The following TXLNG variants were observed in gnomAD, a reference collection of about 807,000 sequenced individuals.
TXLNG encodes the protein taxilin gamma.
In TXLNG, 5 loss-of-function variants were observed where a neutral mutation model predicts 38.8. The observed-to-expected ratio is 0.13, with a 90% CI of 0.07 to 0.27. The LOEUF (loss-of-function observed/expected upper bound fraction) is 0.27, where lower values mean the gene tolerates loss of function less well. Among genes scored for constraint, TXLNG ranks in the 10% least tolerant of loss-of-function variants. TXLNG has a pLI of 1.00. For missense variants in TXLNG, 393 were observed against 398.2 expected, an observed-to-expected ratio of 0.99 and a Z score of 0.11; for synonymous variants, 182 against 158.2, an observed-to-expected ratio of 1.15 and a Z score of -1.13.
intron 1 of TXLNG, among the ~76,000 whole-genome samples, chrX:16,796,662 G>A (rs762022300): frequency 3.2e-4 from 36 of 111,490 alleles, no homozygotes; most frequent in Admixed American, 8.7e-4. Flanking sequence ...TATTTGTTAG[G>A]TGTAGTTGAA....
At chrX:16,808,170 G>A (rs923559672) in intron 1 of TXLNG, among the ~76,000 whole-genome samples, 2 of 111,371 alleles carry the variant, frequency 1.8e-5, no homozygotes, top group Non-Finnish European at 3.8e-5. Context: ...CCGGAGGGGA[G>A]TGGCTAGGGT....
At chrX:16,806,259 A>G (rs1463321164) in intron 1 of TXLNG, among the ~76,000 whole-genome samples, 2 of 112,296 alleles carry the variant, frequency 1.8e-5, no homozygotes, top group Non-Finnish European at 3.8e-5. Flanking sequence ...ATGTTTTATA[A>G]AACCAAATAA....
intron 1 of TXLNG, among the ~76,000 whole-genome samples, chrX:16,807,894 AT>A (rs113291630): frequency 3.6e-5 from 4 of 110,230 alleles, no homozygotes; most frequent in African/African-American, 1.3e-4. Flanking sequence ...AAACCTAAAA[AT>A]TTTTTTTTCC....
At position 16,842,000 on chromosome X, in the gene TXLNG, G is replaced by C. The variant is rs894554219; in HGVS notation, c.*234G>C. The C allele has an allele frequency of 3.6e-5, 14 of 386,478 alleles. No individual in the cohort carries two copies. Among genetic ancestry groups the C allele is most frequent in the Non-Finnish European group, 6.2e-5 (14 of 225,030 alleles). 31.9% of individuals were successfully genotyped at this position (386,478 alleles called of 1,213,427 possible). On this transcript the variant is annotated 3_prime_UTR_variant, in exon 10 of 10. Coordinates refer to ENST00000380122, the MANE Select transcript of TXLNG (RefSeq NM_018360.3). ...AGCCTCGTTCTCCCTCCACTGGAAT[G>C]CATGTGTTCATTGCCTTGTCCTTTC...
At chrX:16,796,990 AAAATG>A (rs1347255688) in intron 1 of TXLNG, among the ~76,000 whole-genome samples, 2 of 111,965 alleles carry the variant, frequency 1.8e-5, no homozygotes, top group African/African-American at 3.3e-5. Context: ...ATTCACTTAA[AAAATG>A]AAATGAGGCT....
At chrX:16,809,903 C>CTTCT (rs1928455747) in intron 1 of TXLNG, among the ~76,000 whole-genome samples, 1 of 111,879 alleles carries the variant, frequency 8.9e-6, no homozygotes, top group African/African-American at 3.2e-5. Context: ...ATTAAATAGG[C>CTTCT]TTCTCTAAGA....
intron 7 of TXLNG, 80 bp downstream of exon 7, chrX:16,834,437 T>A: frequency 1.1e-6 from 1 of 913,038 alleles, no homozygotes; most frequent in Non-Finnish European, 1.5e-6. Flanking sequence ...CAATCTCCTC[T>A]AAGATGGTTT....
intron 8 of TXLNG, among the ~76,000 whole-genome samples, chrX:16,838,921 C>T (rs1929697914): frequency 8.9e-6 from 1 of 111,825 alleles, no homozygotes; most frequent in Non-Finnish European, 1.9e-5. Flanking sequence ...TTCCCATGGC[C>T]TTTGTCCCGG....
At chrX:16,833,550 A>G (rs1488118130) in intron 6 of TXLNG, among the ~76,000 whole-genome samples, 1 of 111,582 alleles carries the variant, frequency 9.0e-6, no homozygotes, top group African/African-American at 3.3e-5. Flanking sequence ...TCATCCTTCC[A>G]TATGAACTGA....
chrX:16,812,691 C>A (rs1391491760), intron 1 of TXLNG, among the ~76,000 whole-genome samples: 1 of 39,466 alleles, frequency 2.5e-5, no homozygotes, highest in Non-Finnish European at 3.9e-5. Context: ...TGCGGCCAGC[C>A]TTTTTTTTTT....
At chrX:16,798,916 G>A (rs1268398121) in intron 1 of TXLNG, among the ~76,000 whole-genome samples, 1 of 107,684 alleles carries the variant, frequency 9.3e-6, no homozygotes, top group Non-Finnish European at 1.9e-5. Flanking sequence ...AGTTTCGCTC[G>A]TTTCCCAGGC....
rs1179998207 is a variant in TXLNG, at chrX:16,843,424, A to AGAT, written c.*1659_*1661dup. On this transcript the variant is annotated 3_prime_UTR_variant, in exon 10 of 10. Coordinates refer to ENST00000380122, the MANE Select transcript of TXLNG (RefSeq NM_018360.3). The stretch of plus-strand genomic sequence containing the variant: ...GTGGAGGAAAATAAATCCACAAAGT[A>AGAT]GATTATCTAATTACCATCAAAATGA... 12 of 111,852 alleles carry AGAT rather than the reference A, an allele frequency of 1.1e-4. No individual in the cohort carries two copies. Among genetic ancestry groups the AGAT allele is most frequent in the African/African-American group, 3.9e-4 (12 of 30,677 alleles). 9.2% of individuals were successfully genotyped at this position (111,852 alleles called of 1,213,427 possible).
chrX:16,805,812 G>C (rs1171516052), intron 1 of TXLNG, among the ~76,000 whole-genome samples: 2 of 112,139 alleles, frequency 1.8e-5, no homozygotes, highest in Non-Finnish European at 3.8e-5. Flanking sequence ...AAAGAATATA[G>C]GCATATTGTA....
intron 7 of TXLNG, among the ~76,000 whole-genome samples, chrX:16,835,686 C>CA (rs1311116225): frequency 1.8e-5 from 2 of 112,131 alleles, no homozygotes; most frequent in East Asian, 5.6e-4. Context: ...CTGTACCACT[C>CA]AGAGTCCTCT....
At chrX:16,818,177 G>C (rs137934335) in intron 1 of TXLNG, among the ~76,000 whole-genome samples, 1 of 111,137 alleles carries the variant, frequency 9.0e-6, no homozygotes, top group Non-Finnish European at 1.9e-5. Context: ...ATGGGGTTTT[G>C]ATGGATAGCT....
At chrX:16,801,941 TC>T (rs1420255814) in intron 1 of TXLNG, among the ~76,000 whole-genome samples, 1 of 95,294 alleles carries the variant, frequency 1.0e-5, no homozygotes, top group East Asian at 3.3e-4. Context: ...GATTTTTTTT[TC>T]TTTCTTTCTT....
At chrX:16,809,412 C>T (rs1334079800) in intron 1 of TXLNG, among the ~76,000 whole-genome samples, 4 of 99,362 alleles carry the variant, frequency 4.0e-5, no homozygotes, top group Non-Finnish European at 8.0e-5. Context: ...GGCGTGATCT[C>T]GGCTCTCTGC....
chrX:16,787,762 A>G, intron 1 of TXLNG, among the ~76,000 whole-genome samples: 1 of 111,735 alleles, frequency 8.9e-6, no homozygotes, highest in Middle Eastern at 4.6e-3. Context: ...ATCTTGCTTG[A>G]TCACCGAGGG....
At chrX:16,790,176 TTGAC>T (rs1218043769) in intron 1 of TXLNG, among the ~76,000 whole-genome samples, 1 of 111,585 alleles carries the variant, frequency 9.0e-6, no homozygotes, top group African/African-American at 3.3e-5. Context: ...TATATTATTA[TTGAC>T]TAAGTCCATA....
Sources: allele counts gnomAD v4.1 joint callset (sites outside exome capture counted in the v4.1 genomes callset), GRCh38; gene constraint gnomAD v4.1.1; transcripts MANE v1.5; gene names NCBI Gene and HGNC (gene_info 2026-07-23, HGNC 2026-07-21).